The following PES1 variants were observed in gnomAD, a reference collection of about 807,000 sequenced individuals.
The protein encoded by PES1 is pescadillo ribosomal biogenesis factor 1, also known as pescadillo homolog.
In PES1, 31 loss-of-function variants were observed where a neutral mutation model predicts 77.1. The observed-to-expected ratio is 0.40, with a 90% CI of 0.30 to 0.54. PES1 has a LOEUF of 0.54. PES1 is among the 20% of genes least tolerant of loss of function. PES1 has a pLI of 0.45. For synonymous variants in PES1, 282 were observed against 303.0 expected, an observed-to-expected ratio of 0.93 and a Z score of 0.72; for missense variants, 658 against 771.7, an observed-to-expected ratio of 0.85 and a Z score of 1.75.
intron 4 of PES1, among the ~76,000 whole-genome samples, chr22:30,586,139 C>T (rs571879899): frequency 6.6e-6 from 1 of 152,340 alleles, no homozygotes; most frequent in Admixed American, 6.5e-5. Flanking sequence ...AACCACATCA[C>T]CACACTTGGT....
chr22:30,603,297 C>T (rs1161163573), intron 2 of PES1, among the ~76,000 whole-genome samples: 1 of 152,300 alleles, frequency 6.6e-6, no homozygotes, highest in East Asian at 1.9e-4. Context: ...GGAACCAATG[C>T]TCTAGTTGAT....
chr22:30,606,955 C>T lies in PES1; in HGVS notation c.-864G>A, dbSNP rs1169637079. 5.2e-6 allele frequency: 5 copies of T among 965,222 alleles called. No homozygotes were observed. In the South Asian group the frequency reaches 1.0e-4, roughly 19 times the overall value. 59.8% of individuals were successfully genotyped at this position (965,222 alleles called of 1,614,324 possible). A position where few individuals can be genotyped will look rare whatever the true frequency, so the allele number is the denominator to read the frequency against. On this transcript the variant is annotated 5_prime_UTR_variant, in exon 1 of 17. Transcript: ENST00000402281. Reference sequence around the variant, plus strand: ...CAGCTGGGGGGACAGCAGACAGGCACGGTCGGACAGACTTGACAGATCAGG... The same window carrying T: ...CAGCTGGGGGGACAGCAGACAGGCATGGTCGGACAGACTTGACAGATCAGG...
At position 30,581,000 on chromosome 22, in the gene PES1, T is replaced by C. The variant is rs2086976222; in HGVS notation, c.912+12A>G. On this transcript the variant is annotated intron_variant, in intron 9 of 14. Coordinates refer to ENST00000354694, the MANE Select transcript of PES1 (RefSeq NM_014303.4). ...TCCCAGCCCTCCTGCCAGAAGGCAG[T>C]GCAGTGCTCACCCCATCGGTGGGAA... 6.2e-7 allele frequency: 1 copy of C among 1,608,556 alleles called. No homozygotes were observed. Among genetic ancestry groups the C allele is most frequent in the Non-Finnish European group, 8.5e-7 (1 of 1,176,032 alleles).
chr22:30,601,097 T>G (rs2087348026), intron 2 of PES1, among the ~76,000 whole-genome samples: 1 of 152,300 alleles, frequency 6.6e-6, no homozygotes, highest in Middle Eastern at 3.4e-3. Context: ...TTTTCTGACC[T>G]CGAGTTATAT....
At chr22:30,586,580 T>C (rs540105281) in intron 4 of PES1, among the ~76,000 whole-genome samples, 5 of 152,272 alleles carry the variant, frequency 3.3e-5, no homozygotes, top group African/African-American at 9.6e-5. Context: ...TCAACACCAA[T>C]AGCACGTCCA....
intron 4 of PES1, among the ~76,000 whole-genome samples, chr22:30,585,754 TCTG>T (rs2087076772): frequency 6.7e-6 from 1 of 148,364 alleles, no homozygotes; most frequent in Non-Finnish European, 1.5e-5. Context: ...AAGAATGGGT[TCTG>T]CTATTTCAAA....
intron 2 of PES1, among the ~76,000 whole-genome samples, chr22:30,602,226 G>A (rs932634375): frequency 6.6e-6 from 1 of 152,028 alleles, no homozygotes; most frequent in East Asian, 1.9e-4. Flanking sequence ...TGATAGAGAG[G>A]GAGTTCTCAC....
At chr22:30,592,194 T>C (rs2087192347), upstream of PES1, 2 of 1,070,172 alleles carry the variant, frequency 1.9e-6, no homozygotes, top group Admixed American at 1.1e-4. Context: ...GGCGGAAGGC[T>C]TAGGGACAGC....
chr22:30,580,047 G>T lies in PES1; in HGVS notation c.1169+6C>A, dbSNP rs2086959163. 1.2e-6 allele frequency: 2 copies of T among 1,613,428 alleles called. No homozygotes were observed. Among genetic ancestry groups the T allele is most frequent in the African/African-American group, 1.3e-5 (1 of 74,912 alleles). ...GAAATCCGGACGAGGACCCTTGAGG[G>T]CCTACCTGCCAATGACTGAGGTCTG... On this transcript the variant is annotated splice_donor_region_variant and intron_variant, in intron 11 of 14. Coordinates refer to ENST00000354694, the MANE Select transcript of PES1 (RefSeq NM_014303.4).
chr22:30,588,138 T>C lies in PES1; in HGVS notation c.141A>G (p.Glu47=). 6.2e-7 allele frequency: 1 copy of C among 1,614,096 alleles called. No homozygotes were observed. Among genetic ancestry groups the C allele is most frequent in the Non-Finnish European group, 8.5e-7 (1 of 1,180,016 alleles). Residue 47 remains glutamate (E), a synonymous_variant, in exon 3 of 15, where the codon GAA becomes GAG. Transcript: ENST00000354694. The stretch of plus-strand genomic sequence containing the variant: ...TGTTAACCTTCTTCTTGTGTTTGGG[T>C]TCATGGGGATAAATGCCCTTCAGAA... ...LCILKGIYPH[E]PKHKKKVNKG...
chr22:30,577,378 T>C (rs1355637145), intron 14 of PES1, among the ~76,000 whole-genome samples: 1 of 152,156 alleles, frequency 6.6e-6, no homozygotes, highest in African/African-American at 2.4e-5. Flanking sequence ...GGAAGGAGCC[T>C]TGGCAACTGC....
upstream of PES1, among the ~76,000 whole-genome samples, chr22:30,593,660 T>C (rs543728963): frequency 4.7e-4 from 71 of 152,278 alleles, 1 homozygote; most frequent in East Asian, 0.011. Flanking sequence ...GATAGAACCA[T>C]GTTTGCAGAA....
rs570094992 is a variant in PES1, at chr22:30,602,085, C to A, written c.-661+3376G>T. Among the ~76,000 whole-genome samples, 42 of 150,712 alleles carry A rather than the reference C, an allele frequency of 2.8e-4. No homozygotes were observed. In the South Asian group the frequency reaches 3.6e-3, roughly 13 times the overall value. On this transcript the variant is annotated intron_variant, in intron 2 of 16. Coordinates refer to the PES1 transcript ENST00000402281. ...CGCACCTGGCCCCTTCTTTTCTTTTCTTTTTTTTCTGATGTGGTTTGGCTC... is the reference window on the plus strand; with the variant it reads ...CGCACCTGGCCCCTTCTTTTCTTTTATTTTTTTTCTGATGTGGTTTGGCTC...
chr22:30,576,984 C>T lies in PES1; in HGVS notation c.*62G>A. The T allele has an allele frequency of 1.4e-6, 2 of 1,389,028 alleles. No individual in the cohort carries two copies. The highest frequency in any genetic ancestry group is 1.0e-6 in the Non-Finnish European group (1 of 976,356). 86.0% of individuals were successfully genotyped at this position (1,389,028 alleles called of 1,614,324 possible). On this transcript the variant is annotated 3_prime_UTR_variant, in exon 15 of 15. Transcript: ENST00000354694. Reference sequence around the variant, plus strand: ...GGTCCATCACACTTAGGTCCTCTGGCCTGCCTCTGCCACATCCAGCTGCTA... The same window carrying T: ...GGTCCATCACACTTAGGTCCTCTGGTCTGCCTCTGCCACATCCAGCTGCTA...
At chr22:30,594,577 G>A (rs1273295359), upstream of PES1, among the ~76,000 whole-genome samples, 4 of 151,928 alleles carry the variant, frequency 2.6e-5, no homozygotes, top group African/African-American at 9.7e-5. Context: ...CTTTTGGGAG[G>A]CAAAGGTGGG....
At chr22:30,579,597 T>C (rs1249631236) in intron 12 of PES1, 154 bp downstream of exon 12, 3 of 723,166 alleles carry the variant, frequency 4.1e-6, no homozygotes, top group Non-Finnish European at 6.9e-6. Flanking sequence ...CCCCAGGAGG[T>C]AGATGTCCCT....
In PES1 at chr22:30,598,961, A is replaced by T. The variant is rs1005700468; in HGVS notation, c.-661+6500T>A. Among the ~76,000 whole-genome samples the T allele has an allele frequency of 2.7e-5, 3 of 110,588 alleles. 1 individual carries two copies. The Admixed American group carries it at 3.9e-4, about 14-fold the overall frequency. The allele number at this position is 110,588 out of a possible 152,430, so 72.6% of individuals were successfully genotyped here. A position where few individuals can be genotyped will look rare whatever the true frequency, so the allele number is the denominator to read the frequency against. Reference sequence around the variant, plus strand: ...ATCCAGGCTAGAGTGCAGTGGTGCGATCTTGGCTCACTGCAACCTCCGTTT... The same window carrying T: ...ATCCAGGCTAGAGTGCAGTGGTGCGTTCTTGGCTCACTGCAACCTCCGTTT... On this transcript the variant is annotated intron_variant, in intron 2 of 16. Coordinates refer to the PES1 transcript ENST00000402281.
At chr22:30,605,510 C>G in exon 2 of PES1, 1 of 984,138 alleles carries the variant, frequency 1.0e-6, no homozygotes, top group South Asian at 4.7e-5. Flanking sequence ...CTCCTCCAGG[C>G]TGCCTTCCTG....
intron 11 of PES1, 33 bp downstream of exon 11, chr22:30,580,020 C>G (rs1342051398): frequency 6.2e-7 from 1 of 1,612,178 alleles, no homozygotes. Context: ...ACAGGATACC[C>G]AGAAATCCGG....
Sources: gnomAD v4.1 joint callset for allele counts (sites outside exome capture counted in the v4.1 genomes callset) on GRCh38, gnomAD v4.1.1 for gene constraint, MANE v1.5 for transcripts, NCBI Gene and HGNC (gene_info 2026-07-23, HGNC 2026-07-21) for gene names.